The following C7orf78 variants were observed in gnomAD, a reference collection of about 807,000 sequenced individuals.
The protein encoded by C7orf78 is putative uncharacterized protein C7orf78.
chr7:12,508,273 A>T, the C7orf78 span, among the ~76,000 whole-genome samples: 1 of 152,204 alleles, frequency 6.6e-6, no homozygotes, highest in African/African-American at 2.4e-5. Flanking sequence ...GAGATCTTTT[A>T]TAGGCAGCCA....
chr7:12,527,966 G>A, the C7orf78 span, among the ~76,000 whole-genome samples: 10 of 141,368 alleles, frequency 7.1e-5, no homozygotes, highest in South Asian at 7.1e-4. Context: ...GAACATGTCA[G>A]CTTTCCTAGT....
chr7:12,505,636 A>G, the C7orf78 span, among the ~76,000 whole-genome samples: 2 of 152,188 alleles, frequency 1.3e-5, no homozygotes, highest in Non-Finnish European at 2.9e-5. Context: ...TATAGGTTTT[A>G]TAAAAGCAAC....
At chr7:12,523,150 G>A in the C7orf78 span, 1 of 398,368 alleles carries the variant, frequency 2.5e-6, no homozygotes, top group East Asian at 3.6e-5. Flanking sequence ...GGGAAATAAA[G>A]CCTCCTGATT....
the C7orf78 span, among the ~76,000 whole-genome samples, chr7:12,508,281 C>T: frequency 1.3e-5 from 2 of 152,132 alleles, no homozygotes; most frequent in South Asian, 4.2e-4. Flanking sequence ...TTATAGGCAG[C>T]CACAAGTAAC....
the C7orf78 span, among the ~76,000 whole-genome samples, chr7:12,492,531 C>T: frequency 2.6e-5 from 4 of 152,170 alleles, no homozygotes. Context: ...TCATAAGATG[C>T]AAATTGAGTT....
the C7orf78 span, among the ~76,000 whole-genome samples, chr7:12,501,123 C>A: frequency 5.7e-5 from 8 of 140,668 alleles, no homozygotes; most frequent in Admixed American, 4.2e-4. Flanking sequence ...CAGCCAATAT[C>A]ATACTGAATG....
the C7orf78 span, among the ~76,000 whole-genome samples, chr7:12,538,663 C>A: frequency 6.6e-6 from 1 of 152,140 alleles, no homozygotes; most frequent in East Asian, 1.9e-4. Context: ...TAAGAGGCAT[C>A]TTATCATTGG....
chr7:12,500,008 A>C, the C7orf78 span, among the ~76,000 whole-genome samples: 4 of 104,972 alleles, frequency 3.8e-5, 1 homozygote, highest in East Asian at 1.2e-3. Flanking sequence ...TGAAGGCAGA[A>C]ATAAACATGT....
the C7orf78 span, among the ~76,000 whole-genome samples, chr7:12,532,555 A>AG: frequency 6.6e-6 from 1 of 151,486 alleles, no homozygotes; most frequent in Admixed American, 6.6e-5. Flanking sequence ...TTTCAAAAAA[A>AG]AAAAAAAGAA....
chr7:12,530,012 A>ATGGTATACTGTCATGACAG, the C7orf78 span, among the ~76,000 whole-genome samples: 1 of 151,898 alleles, frequency 6.6e-6, no homozygotes, highest in African/African-American at 2.4e-5. Flanking sequence ...TGCCACAGCA[A>ATGGTATACTGTCATGACAG]TGGTGGGGCT....
the C7orf78 span, among the ~76,000 whole-genome samples, chr7:12,535,089 A>G: frequency 1.3e-5 from 2 of 152,226 alleles, no homozygotes. Flanking sequence ...ACAAGTAATC[A>G]GGGAAATATG....
the C7orf78 span, among the ~76,000 whole-genome samples, chr7:12,513,506 CAT>C: frequency 1.3e-5 from 2 of 152,024 alleles, no homozygotes; most frequent in Non-Finnish European, 2.9e-5. Flanking sequence ...TTCTTTGACT[CAT>C]TTGTTGTTCA....
At chr7:12,538,379 T>A in the C7orf78 span, 2 of 152,152 alleles carry the variant, frequency 1.3e-5, no homozygotes, top group Non-Finnish European at 2.9e-5. Context: ...CACACTCCAT[T>A]GCTTCTTGGT....
At chr7:12,529,439 A>T in the C7orf78 span, among the ~76,000 whole-genome samples, 1 of 152,176 alleles carries the variant, frequency 6.6e-6, no homozygotes, top group Non-Finnish European at 1.5e-5. Context: ...AGTAATAGCT[A>T]TAGGGAATAC....
chr7:12,502,796 C>A, the C7orf78 span, among the ~76,000 whole-genome samples: 85 of 131,290 alleles, frequency 6.5e-4, 5 homozygotes, highest in African/African-American at 2.6e-3. Flanking sequence ...ATGTTTATTG[C>A]GGCATCATTC....
At chr7:12,493,727 T>C in the C7orf78 span, among the ~76,000 whole-genome samples, 2 of 152,178 alleles carry the variant, frequency 1.3e-5, no homozygotes, top group Non-Finnish European at 2.9e-5. Context: ...CATTTCTTCA[T>C]CTGTAAAATG....
chr7:12,532,628 T>G, the C7orf78 span, among the ~76,000 whole-genome samples: 13 of 152,238 alleles, frequency 8.5e-5, 1 homozygote, highest in South Asian at 2.1e-3. Context: ...TCTTAACTCC[T>G]GTACCACTAT....
At chr7:12,531,551 C>T in the C7orf78 span, among the ~76,000 whole-genome samples, 1 of 152,110 alleles carries the variant, frequency 6.6e-6, no homozygotes, top group Admixed American at 6.5e-5. Flanking sequence ...TATATACAAA[C>T]TGCTGGCACA....
chr7:12,500,341 G>A, the C7orf78 span, among the ~76,000 whole-genome samples: 345 of 151,092 alleles, frequency 2.3e-3, 2 homozygotes, highest in African/African-American at 8.0e-3. Context: ...AGCAAGACTA[G>A]TAAAGAAAAA....
Sources: allele counts gnomAD v4.1 joint callset (sites outside exome capture counted in the v4.1 genomes callset), GRCh38; gene constraint gnomAD v4.1.1; transcripts MANE v1.5; gene names NCBI Gene and HGNC (gene_info 2026-07-23, HGNC 2026-07-21).